Variants in SNTB2 observed in about 807,000 individuals in gnomAD.
SNTB2 encodes beta-2-syntrophin.
A neutral mutation model predicts 46.2 loss-of-function variants in SNTB2; 34 were observed. The observed-to-expected ratio is 0.74, with a 90% confidence interval of 0.56 to 0.98. The LOEUF (loss-of-function observed/expected upper bound fraction) is 0.98, where lower values mean the gene tolerates loss of function less well. Ranked by LOEUF, SNTB2 falls within the 50% of genes least tolerant of loss-of-function variation. SNTB2 has a pLI of 0.00. For missense variants in SNTB2, 603 were observed against 731.4 expected (o/e 0.82, Z 2.02); for synonymous variants, 290 against 312.6 (o/e 0.93, Z 0.76).
intron 1 of SNTB2, among the ~76,000 whole-genome samples, chr16:69,234,468 TG>T (rs1486284416): frequency 6.6e-6 from 1 of 152,242 alleles, no homozygotes; most frequent in Non-Finnish European, 1.5e-5. Flanking sequence ...GAGAAATGTT[TG>T]TTCCTTTGTT....
At chr16:69,269,254 C>T (rs554675960) in intron 3 of SNTB2, among the ~76,000 whole-genome samples, 2 of 152,200 alleles carry the variant, frequency 1.3e-5, no homozygotes, top group African/African-American at 4.8e-5. Flanking sequence ...CATGGTGGCT[C>T]ATGCCTGTAA....
chr16:69,260,082 A>C lies in SNTB2; in HGVS notation c.827A>C (p.Asn276Thr). Residue 276 changes from asparagine to threonine, a missense_variant, in exon 3 of 7, where the codon AAC becomes ACC. Asn to Thr is a moderately conservative substitution (Grantham distance 65). Around this residue, in one of 2 missense-constraint regions of SNTB2, gnomAD observed 537 missense variants for 692.4 expected, o/e 0.78. Transcript: ENST00000336278. ...GAGCTACATTCTCCTGATAGCAGGAACACGTTGATCCTACGCTGCAAAGAT... is the reference window on the plus strand; with the variant it reads ...GAGCTACATTCTCCTGATAGCAGGACCACGTTGATCCTACGCTGCAAAGAT... ...LIELHSPDSR[N>T]TLILRCKDTA... 6.2e-7 allele frequency: 1 copy of C among 1,613,990 alleles called. No homozygotes were observed. The highest frequency in any genetic ancestry group is 1.7e-5 in the Admixed American group (1 of 60,000).
chr16:69,247,072 A>T (rs1279531913), intron 2 of SNTB2, among the ~76,000 whole-genome samples: 2 of 122,638 alleles, frequency 1.6e-5, no homozygotes, highest in African/African-American at 6.5e-5. Flanking sequence ...ATATATATTA[A>T]AAAAAAAAAA....
intron 1 of SNTB2, among the ~76,000 whole-genome samples, chr16:69,243,020 T>TAAAAA (rs371176390): frequency 1.0e-5 from 1 of 96,086 alleles, no homozygotes; most frequent in Admixed American, 1.2e-4. Context: ...GACTGCATCT[T>TAAAAA]AAAAAAAAAA....
At chr16:69,255,048 G>A (rs1964760454) in intron 2 of SNTB2, among the ~76,000 whole-genome samples, 1 of 151,892 alleles carries the variant, frequency 6.6e-6, no homozygotes, top group Non-Finnish European at 1.5e-5. Flanking sequence ...TGTCTTTATT[G>A]TAATTCATCT....
chr16:69,253,835 A>T (rs1439137548), intron 2 of SNTB2, among the ~76,000 whole-genome samples: 3 of 152,086 alleles, frequency 2.0e-5, no homozygotes, highest in Non-Finnish European at 2.9e-5. Flanking sequence ...AGACATCAGG[A>T]TTTTCAGAAC....
intron 1 of SNTB2, among the ~76,000 whole-genome samples, chr16:69,195,458 T>TA (rs34794509): frequency 2.0e-5 from 3 of 151,626 alleles, no homozygotes; most frequent in Admixed American, 2.0e-4. Flanking sequence ...TTTTTTTTTT[T>TA]AGTAAGAATT....
intron 2 of SNTB2, among the ~76,000 whole-genome samples, chr16:69,250,497 C>A (rs1964715648): frequency 6.6e-6 from 1 of 152,150 alleles, no homozygotes; most frequent in Non-Finnish European, 1.5e-5. Flanking sequence ...TTGTTAGTGT[C>A]CTTGTGACCT....
At chr16:69,292,880 T>C (rs991667626) in intron 5 of SNTB2, among the ~76,000 whole-genome samples, 14 of 152,058 alleles carry the variant, frequency 9.2e-5, no homozygotes, top group African/African-American at 3.4e-4. Flanking sequence ...GTTTTATACT[T>C]AACAACATCC....
At chr16:69,288,366 C>G (rs149393786) in intron 5 of SNTB2, among the ~76,000 whole-genome samples, 143 of 152,242 alleles carry the variant, frequency 9.4e-4, no homozygotes, top group Admixed American at 1.2e-3. Context: ...CCAGCTGGTT[C>G]CTTGTATTTT....
At chr16:69,221,429 A>G (rs1964402975) in intron 1 of SNTB2, among the ~76,000 whole-genome samples, 1 of 152,212 alleles carries the variant, frequency 6.6e-6, no homozygotes, top group Non-Finnish European at 1.5e-5. Context: ...TAAGAAACTA[A>G]TAGAATGTCT....
chr16:69,187,908 C>T (rs953195486), intron 1 of SNTB2, among the ~76,000 whole-genome samples, 162 bp downstream of exon 1: 2 of 152,154 alleles, frequency 1.3e-5, no homozygotes, highest in African/African-American at 2.4e-5. Context: ...ATGCTTCTTG[C>T]AGGAAAAGTT....
At chr16:69,205,867 T>G (rs1405635917) in intron 1 of SNTB2, among the ~76,000 whole-genome samples, 2 of 152,210 alleles carry the variant, frequency 1.3e-5, no homozygotes, top group African/African-American at 4.8e-5. Context: ...AATACTTAAA[T>G]GCAACCAATG....
intron 1 of SNTB2, among the ~76,000 whole-genome samples, chr16:69,200,509 T>C (rs901397686): frequency 1.3e-5 from 2 of 152,178 alleles, no homozygotes; most frequent in Non-Finnish European, 2.9e-5. Flanking sequence ...ACATTCGTGA[T>C]ACATCAAATT....
chr16:69,196,197 C>T (rs918482783), intron 1 of SNTB2, among the ~76,000 whole-genome samples: 2 of 151,906 alleles, frequency 1.3e-5, no homozygotes, highest in African/African-American at 4.8e-5. Flanking sequence ...CATGTTTGAG[C>T]CACTATACTC....
At chr16:69,292,354 TTATATATA>T (rs1166147915) in intron 5 of SNTB2, among the ~76,000 whole-genome samples, 10 of 36,282 alleles carry the variant, frequency 2.8e-4, no homozygotes, top group Admixed American at 9.6e-4. Flanking sequence ...ACCTTATTTT[TTATATATA>T]TATATATATA....
chr16:69,299,574 TG>T lies in SNTB2; in HGVS notation c.1346-15del. On this transcript the variant is annotated splice_polypyrimidine_tract_variant and intron_variant, in intron 5 of 6. Coordinates refer to ENST00000336278, the MANE Select transcript of SNTB2 (RefSeq NM_006750.4). ...TAGCAACTTTACAACTAATGTTTTTTGCTTTTCTTCAACAGGCTGCATGTTA... is the reference window on the plus strand; with the variant it reads ...TAGCAACTTTACAACTAATGTTTTTTCTTTTCTTCAACAGGCTGCATGTTA... 2 of 1,608,342 alleles carry T rather than the reference TG, an allele frequency of 1.2e-6. No individual in the cohort carries two copies. The highest frequency in any genetic ancestry group is 1.7e-6 in the Non-Finnish European group (2 of 1,176,388).
intron 4 of SNTB2, among the ~76,000 whole-genome samples, chr16:69,272,654 G>C (rs1256251484): frequency 6.6e-6 from 1 of 151,616 alleles, no homozygotes; most frequent in Non-Finnish European, 1.5e-5. Context: ...CACTTTGGGA[G>C]GCCAAGGCAG....
intron 1 of SNTB2, among the ~76,000 whole-genome samples, chr16:69,220,517 G>C (rs543760784): frequency 6.6e-6 from 1 of 151,024 alleles, no homozygotes; most frequent in Admixed American, 6.6e-5. Flanking sequence ...CTCTTTAGGC[G>C]TACAGTTCCA....
Sources: allele counts gnomAD v4.1 joint callset (sites outside exome capture counted in the v4.1 genomes callset), GRCh38; gene constraint gnomAD v4.1.1; regional missense constraint gnomAD v4.1.1; transcripts MANE v1.5; gene names NCBI Gene and HGNC (gene_info 2026-07-23, HGNC 2026-07-21).